TBCK: variants seen among roughly 807,000 people sequenced by gnomAD.
The protein encoded by TBCK is TBC1 domain containing kinase.
A neutral mutation model predicts 113.4 loss-of-function variants in TBCK; 99 were observed. The ratio of observed to expected loss-of-function variants is 0.87; its 90% CI spans 0.74 to 1.03. The LOEUF (loss-of-function observed/expected upper bound fraction) is 1.03. Ranked by LOEUF, TBCK falls within the 50% of genes least tolerant of loss-of-function variation. The pLI is 0.00. For missense variants in TBCK, 1,045 were observed against 1,061.3 expected, an observed-to-expected ratio of 0.98 and a Z score of 0.21; for synonymous variants, 369 against 370.8, an observed-to-expected ratio of 1.00 and a Z score of 0.05.
rs193057193 is a variant in TBCK, at chr4:106,070,368, C to T, written c.2572-23688G>A. Among the ~76,000 whole-genome samples, 765 of 151,860 alleles carry T rather than the reference C, an allele frequency of 5.0e-3. 4 individuals are homozygous for T. The highest frequency in any genetic ancestry group is 0.018 in the African/African-American group (736 of 41,494). ...AGCATGAAGGGCTGTTGAATTTTGT[C>T]AAAGGTGTTCTCTGCATCTATTGAG... On this transcript the variant is annotated intron_variant, in intron 25 of 25. Transcript: ENST00000394708.
intron 3 of TBCK, among the ~76,000 whole-genome samples, chr4:106,266,483 C>T (rs1232437108): frequency 1.3e-5 from 2 of 151,848 alleles, no homozygotes; most frequent in Admixed American, 1.3e-4. Context: ...AACTACTGAA[C>T]ACATAGACTG....
At chr4:106,094,976 CTT>C (rs970070979) in intron 25 of TBCK, among the ~76,000 whole-genome samples, 4 of 152,150 alleles carry the variant, frequency 2.6e-5, no homozygotes, top group African/African-American at 7.2e-5. Flanking sequence ...ATATGCTACT[CTT>C]TGTTTTATTT....
At chr4:106,102,840 T>C (rs1212095805) in intron 24 of TBCK, among the ~76,000 whole-genome samples, 5 of 152,184 alleles carry the variant, frequency 3.3e-5, no homozygotes, top group Admixed American at 6.5e-5. Flanking sequence ...TTCTTTTTTT[T>C]CCATATTGTA....
chr4:106,066,968 A>G (rs1273011177), intron 25 of TBCK, among the ~76,000 whole-genome samples: 1 of 152,086 alleles, frequency 6.6e-6, no homozygotes, highest in Non-Finnish European at 1.5e-5. Context: ...TAATGCTACA[A>G]TGAACATTGG....
At chr4:106,288,701 G>A (rs1390090532) in intron 3 of TBCK, among the ~76,000 whole-genome samples, 2 of 152,148 alleles carry the variant, frequency 1.3e-5, no homozygotes, top group Non-Finnish European at 1.5e-5. Context: ...CATGTTGTGG[G>A]TACCAGTAGC....
At chr4:106,055,658 C>G (rs1034907875) in intron 25 of TBCK, among the ~76,000 whole-genome samples, 5 of 150,818 alleles carry the variant, frequency 3.3e-5, no homozygotes, top group African/African-American at 1.2e-4. Flanking sequence ...ATCTTATTTT[C>G]TTTGTAAATT....
intron 20 of TBCK, among the ~76,000 whole-genome samples, chr4:106,208,268 T>TA (rs1755751516): frequency 6.6e-6 from 1 of 152,198 alleles, no homozygotes; most frequent in Non-Finnish European, 1.5e-5. Flanking sequence ...ACAGGTCTCA[T>TA]ACATATCTAC....
chr4:106,219,717 T>A (rs908736225), intron 19 of TBCK, among the ~76,000 whole-genome samples: 3 of 151,952 alleles, frequency 2.0e-5, no homozygotes, highest in Non-Finnish European at 2.9e-5. Context: ...TTTTTTTTTT[T>A]AAATATAGAC....
intron 23 of TBCK, among the ~76,000 whole-genome samples, chr4:106,130,626 A>ACC (rs1255428854): frequency 1.5e-4 from 22 of 147,874 alleles, no homozygotes; most frequent in African/African-American, 4.9e-4. Context: ...ACACACACAC[A>ACC]CACCACACAG....
At chr4:106,273,073 T>G (rs7698444) in intron 3 of TBCK, among the ~76,000 whole-genome samples, 1 of 152,162 alleles carries the variant, frequency 6.6e-6, no homozygotes, top group East Asian at 1.9e-4. Context: ...ATCCACCTTT[T>G]GTAATATACA....
At chr4:106,065,623 C>T (rs1193795041) in intron 25 of TBCK, among the ~76,000 whole-genome samples, 4 of 151,962 alleles carry the variant, frequency 2.6e-5, no homozygotes, top group African/African-American at 9.7e-5. Flanking sequence ...TGAACAGTAC[C>T]ATACATTTCA....
At chr4:106,242,595 A>G (rs1190070633) in intron 11 of TBCK, 26 bp from the exon 12 acceptor site, 11 of 1,489,702 alleles carry the variant, frequency 7.4e-6, no homozygotes, top group Non-Finnish European at 1.0e-5. Context: ...TAAAAATAAT[A>G]TGTACACAAA....
At chr4:106,182,175 T>G (rs1382917997) in intron 22 of TBCK, among the ~76,000 whole-genome samples, 1 of 152,124 alleles carries the variant, frequency 6.6e-6, no homozygotes. Flanking sequence ...TGTTTATGTG[T>G]TATTAGTGCA....
At chr4:106,235,154 T>C in intron 15 of TBCK, 115 bp downstream of exon 15, 1 of 591,792 alleles carries the variant, frequency 1.7e-6, no homozygotes, top group South Asian at 4.1e-5. Flanking sequence ...CTAATGCTTA[T>C]ATTTTACTAT....
intron 2 of TBCK, among the ~76,000 whole-genome samples, chr4:106,303,847 A>C (rs191533357): frequency 2.3e-4 from 35 of 152,322 alleles, no homozygotes; most frequent in Non-Finnish European, 2.4e-4. Flanking sequence ...TCTACCAAGA[A>C]TAAGCAGTAA....
intron 17 of TBCK, among the ~76,000 whole-genome samples, chr4:106,232,291 C>A (rs1173503511): frequency 6.6e-6 from 1 of 151,742 alleles, no homozygotes; most frequent in Non-Finnish European, 1.5e-5. Context: ...AATCTACCTA[C>A]AACTGTTAGG....
chr4:106,127,005 C>G (rs1402568532), intron 23 of TBCK, among the ~76,000 whole-genome samples: 1 of 151,938 alleles, frequency 6.6e-6, no homozygotes, highest in South Asian at 2.1e-4. Context: ...GTGAGGAGAT[C>G]GAGACTATTC....
chr4:106,219,758 C>G (rs2149938231), intron 19 of TBCK, among the ~76,000 whole-genome samples: 1 of 151,854 alleles, frequency 6.6e-6, no homozygotes, highest in African/African-American at 2.4e-5. Context: ...AGGCTGGTCT[C>G]AAACTCCTGG....
chr4:106,307,267 T>C (rs1357052859), intron 2 of TBCK, among the ~76,000 whole-genome samples: 2 of 152,234 alleles, frequency 1.3e-5, no homozygotes, highest in Non-Finnish European at 2.9e-5. Context: ...TTAATTGCTC[T>C]GTGGTTTAAT....
Sources: gnomAD v4.1 joint callset for allele counts (sites outside exome capture counted in the v4.1 genomes callset) on GRCh38, gnomAD v4.1.1 for gene constraint, MANE v1.5 for transcripts, NCBI Gene and HGNC (gene_info 2026-07-23, HGNC 2026-07-21) for gene names.